Variants in NTRK2 observed in about 807,000 individuals in gnomAD.
NTRK2 encodes BDNF/NT-3 growth factors receptor.
A neutral mutation model predicts 94.5 loss-of-function variants in NTRK2; 13 were observed. That is an observed-to-expected ratio of 0.14 (90% CI 0.09 to 0.22). NTRK2 has a LOEUF of 0.22. NTRK2 is among the 10% of genes least tolerant of loss of function. The probability of loss-of-function intolerance (pLI) is 1.00; values close to 1 mark genes in which losing one functional copy is unlikely to be tolerated. For synonymous variants in NTRK2, 372 were observed against 407.4 expected (o/e 0.91, Z 1.05); for missense variants, 639 against 1,071.2 (o/e 0.60, Z 5.63).
intron 14 of NTRK2, chr9:84,873,850 C>T: frequency 9.4e-7 from 1 of 1,058,668 alleles, no homozygotes; most frequent in African/African-American, 1.6e-5. Flanking sequence ...CAGTCCTAAG[C>T]TTGGTGTCTG....
intron 14 of NTRK2, among the ~76,000 whole-genome samples, chr9:84,917,167 A>G (rs371993121): frequency 1.3e-5 from 2 of 152,230 alleles, no homozygotes; most frequent in South Asian, 2.1e-4. Context: ...TTGGCAGTCA[A>G]TGGTGTCAGG....
chr9:84,873,140 G>T (rs865777451), intron 14 of NTRK2: 112 of 1,063,862 alleles, frequency 1.1e-4, no homozygotes, highest in Non-Finnish European at 1.3e-4. Flanking sequence ...CCATTTTGAT[G>T]GTCAGAGGTA....
Position 85,020,245 on chromosome 9 carries a change from C to T in NTRK2, c.2212C>T (p.Pro738Ser), listed in dbSNP as rs1276608169. 6.2e-7 allele frequency: 1 copy of T among 1,614,120 alleles called. No individual in the cohort carries two copies. Among genetic ancestry groups the T allele is most frequent in the Non-Finnish European group, 8.5e-7 (1 of 1,180,008 alleles). Reference sequence around the variant, plus strand: ...AATGCTGCCCATTCGCTGGATGCCTCCAGAGAGCATCATGTACAGGAAATT... The same window carrying T: ...AATGCTGCCCATTCGCTGGATGCCTTCAGAGAGCATCATGTACAGGAAATT... The part of the protein sequence containing the change: ...HTMLPIRWMP[P>S]ESIMYRKFTT... The change falls in exon 18 of 19, where the codon CCA becomes TCA. Residue 738 changes from proline (P) to serine (S), a missense_variant. Around this residue, in one of 5 missense-constraint regions of NTRK2, gnomAD observed 77 missense variants for 203.6 expected, o/e 0.38. Transcript: ENST00000277120.
intron 15 of NTRK2, among the ~76,000 whole-genome samples, chr9:84,945,462 A>C (rs1337969968): frequency 6.6e-6 from 1 of 152,074 alleles, no homozygotes. Flanking sequence ...GGCCCAGGAG[A>C]AGGACCCAGC....
At chr9:84,905,275 GGTGT>G (rs58470162) in intron 14 of NTRK2, among the ~76,000 whole-genome samples, 10,549 of 147,152 alleles carry the variant, frequency 0.072, 411 homozygotes, top group East Asian at 0.17. Context: ...GGTTTTAGAG[GGTGT>G]GTGTGTGTGT....
In NTRK2 at chr9:84,798,120, T is replaced by C. The variant is rs114151542; in HGVS notation, c.1396+46035T>C. Among the ~76,000 whole-genome samples, 773 of 151,412 alleles carry C rather than the reference T, an allele frequency of 5.1e-3. 9 individuals carry two copies. Among genetic ancestry groups the C allele is most frequent in the African/African-American group, 0.017 (717 of 41,202 alleles). On this transcript the variant is annotated intron_variant, in intron 12 of 18. Transcript: ENST00000277120. ...CGATATCAAGGCACCAGCAGATTCA[T>C]TGTCAGGTGAGGGCCCATTTTCTGG...
At chr9:84,949,627 C>G (rs1345348958) in intron 16 of NTRK2, among the ~76,000 whole-genome samples, 5 of 152,136 alleles carry the variant, frequency 3.3e-5, no homozygotes. Context: ...GCCACCATGT[C>G]TGGTAATTTT....
intron 14 of NTRK2, chr9:84,873,019 A>G: frequency 9.4e-7 from 1 of 1,063,430 alleles, no homozygotes; most frequent in Non-Finnish European, 1.1e-6. Context: ...CATGAGCAAA[A>G]ATTCTGAATT....
intron 12 of NTRK2, among the ~76,000 whole-genome samples, chr9:84,822,536 G>C (rs11140768): frequency 0.078 from 11,900 of 152,206 alleles, 693 homozygotes; most frequent in African/African-American, 0.16. Context: ...TCTTGGGTGA[G>C]AGAAACTGGG....
At position 84,707,276 on chromosome 9, in the gene NTRK2, A is replaced by G. The variant is rs183701251; in HGVS notation, c.360-568A>G. Among the ~76,000 whole-genome samples the G allele has an allele frequency of 6.6e-5, 10 of 152,276 alleles. 1 individual carries two copies. The highest frequency in any genetic ancestry group is 6.5e-4 in the Admixed American group (10 of 15,300). ...AAATCTGACATATTCCTTGTTACCT[A>G]ATTTTTGTTTGTTCTCATCGTGGAG... On this transcript the variant is annotated intron_variant, in intron 4 of 18. Coordinates refer to ENST00000277120, the MANE Select transcript of NTRK2 (RefSeq NM_006180.6).
chr9:84,948,702 A>C (rs967768794), intron 16 of NTRK2, 68 bp downstream of exon 16: 15 of 1,470,160 alleles, frequency 1.0e-5, no homozygotes, highest in Non-Finnish European at 1.3e-5. Context: ...TGGAGGGTTC[A>C]TGGGAGGGAA....
chr9:84,771,691 A>G lies in NTRK2; in HGVS notation c.1396+19606A>G, dbSNP rs553767829. Among the ~76,000 whole-genome samples, 3 of 152,284 alleles carry G rather than the reference A, an allele frequency of 2.0e-5. No homozygotes were observed. In the South Asian group the frequency reaches 6.2e-4, roughly 32 times the overall value. On this transcript the variant is annotated intron_variant, in intron 12 of 18. Transcript: ENST00000277120. ...ATTTCTTACTTGGCTTTTTAAGATGAAGCTCAGGTGTCACTTCCTTCAGGA... is the reference window on the plus strand; with the variant it reads ...ATTTCTTACTTGGCTTTTTAAGATGGAGCTCAGGTGTCACTTCCTTCAGGA...
At chr9:84,671,984 G>T (rs976845883) in intron 2 of NTRK2, among the ~76,000 whole-genome samples, 1 of 152,054 alleles carries the variant, frequency 6.6e-6, no homozygotes, top group Admixed American at 6.6e-5. Context: ...ATTCGTATAC[G>T]TGGAAGATTG....
At chr9:84,754,489 C>T (rs963723747) in intron 12 of NTRK2, among the ~76,000 whole-genome samples, 39 of 152,026 alleles carry the variant, frequency 2.6e-4, no homozygotes, top group African/African-American at 7.5e-4. Flanking sequence ...CTGCTTAAAA[C>T]GTGGTATTTA....
intron 4 of NTRK2, among the ~76,000 whole-genome samples, chr9:84,704,791 A>G (rs982798402): frequency 6.6e-6 from 1 of 152,238 alleles, no homozygotes; most frequent in Non-Finnish European, 1.5e-5. Context: ...TAAGCTTCAT[A>G]TAGTCACAGG....
At chr9:84,811,910 C>T (rs921203442) in intron 12 of NTRK2, 3 of 1,038,682 alleles carry the variant, frequency 2.9e-6, no homozygotes, top group African/African-American at 1.7e-5. Context: ...GCTATCCCCA[C>T]CCCACCCCAC....
At chr9:84,878,034 GC>G in intron 14 of NTRK2, 1 of 739,348 alleles carries the variant, frequency 1.4e-6, no homozygotes, top group Non-Finnish European at 1.7e-6. Flanking sequence ...TTCCCCAGTT[GC>G]CCCCACATAG....
chr9:84,712,227 C>T (rs765625075), intron 6 of NTRK2, among the ~76,000 whole-genome samples: 1 of 152,176 alleles, frequency 6.6e-6, no homozygotes, highest in Non-Finnish European at 1.5e-5. Flanking sequence ...AAACCAATTT[C>T]ATTTTTTTCC....
At chr9:84,831,188 T>G (rs2073525540) in intron 12 of NTRK2, among the ~76,000 whole-genome samples, 1 of 152,224 alleles carries the variant, frequency 6.6e-6, no homozygotes, top group Non-Finnish European at 1.5e-5. Context: ...TTCCTAGGAT[T>G]GATTTCCAGA....
Sources: gnomAD v4.1 joint callset for allele counts (sites outside exome capture counted in the v4.1 genomes callset) on GRCh38, gnomAD v4.1.1 for gene constraint, gnomAD v4.1.1 regional missense constraint, MANE v1.5 for transcripts, NCBI Gene and HGNC (gene_info 2026-07-23, HGNC 2026-07-21) for gene names.